FHAD1: variants seen among roughly 807,000 people sequenced by gnomAD.
The protein encoded by FHAD1 is forkhead associated phosphopeptide binding domain 1.
In FHAD1, 146 loss-of-function variants were observed where a neutral mutation model predicts 191.3. That is an observed-to-expected ratio of 0.76 (90% CI 0.67 to 0.88). The LOEUF (loss-of-function observed/expected upper bound fraction) is 0.88, where lower values mean the gene tolerates loss of function less well. Among genes scored for constraint, FHAD1 ranks in the 40% least tolerant of loss-of-function variants. The pLI is 0.00. For missense variants in FHAD1, 1,635 were observed against 1,785.8 expected, an observed-to-expected ratio of 0.92 and a Z score of 1.52; for synonymous variants, 616 against 672.3, an observed-to-expected ratio of 0.92 and a Z score of 1.29.
At chr1:15,321,656 C>G (rs898090300) in intron 10 of FHAD1, among the ~76,000 whole-genome samples, 1 of 152,218 alleles carries the variant, frequency 6.6e-6, no homozygotes, top group Non-Finnish European at 1.5e-5. Flanking sequence ...CCATCTAGAT[C>G]ATTTTTCTTC....
chr1:15,257,499 G>A (rs896202220), intron 2 of FHAD1, among the ~76,000 whole-genome samples: 2 of 152,206 alleles, frequency 1.3e-5, no homozygotes, highest in Non-Finnish European at 2.9e-5. Context: ...CCAGCCACCT[G>A]CTGTCCCATC....
chr1:15,394,977 G>C (rs1055810872), intron 33 of FHAD1, among the ~76,000 whole-genome samples: 5 of 152,122 alleles, frequency 3.3e-5, no homozygotes, highest in Non-Finnish European at 7.3e-5. Context: ...AAGGGGCAGG[G>C]CGGGGGGCTT....
intron 4 of FHAD1, among the ~76,000 whole-genome samples, chr1:15,290,935 T>C (rs373989734): frequency 3.9e-5 from 6 of 151,974 alleles, no homozygotes; most frequent in Admixed American, 2.0e-4. Context: ...AGGATGGTCT[T>C]GATCTCCTGA....
chr1:15,314,515 T>A (rs1157937268), intron 8 of FHAD1: 1 of 152,182 alleles, frequency 6.6e-6, no homozygotes, highest in Non-Finnish European at 1.5e-5. Flanking sequence ...CCTCTGCGGC[T>A]GGTTAGCCCG....
intron 11 of FHAD1, 96 bp downstream of exon 11, chr1:15,324,655 G>A: frequency 1.2e-6 from 1 of 844,920 alleles, no homozygotes; most frequent in South Asian, 1.5e-5. Context: ...GCCCAAGGTA[G>A]AAAGACAGAC....
At chr1:15,357,294 G>A (rs1335976096) in intron 20 of FHAD1, among the ~76,000 whole-genome samples, 4 of 152,144 alleles carry the variant, frequency 2.6e-5, no homozygotes, top group Admixed American at 2.6e-4. Flanking sequence ...TCACATTATT[G>A]CAGGAGGGAC....
At position 15,327,235 on chromosome 1, in the gene FHAD1, G is replaced by T; in HGVS notation, c.1557+93G>T. On this transcript the variant is annotated intron_variant, in intron 12 of 33. Transcript: ENST00000688493. This position sits in a 1 kb window ranked among gnomAD's most constrained non-coding sequence, Gnocchi z 5.1. ...CCAGACCCTGGGAGCATATGTTTCT[G>T]TTTTTGTTGGTGGCATATTTTTCAC... 1 of 787,992 alleles carries T rather than the reference G, an allele frequency of 1.3e-6. No individual in the cohort carries two copies. The highest frequency in any genetic ancestry group is 2.0e-6 in the Non-Finnish European group (1 of 489,106). The allele number at this position is 787,992 out of a possible 1,614,324, so 48.8% of individuals were successfully genotyped here. A position where few individuals can be genotyped will look rare whatever the true frequency, so the allele number is the denominator to read the frequency against.
At chr1:15,328,214 A>G (rs899263463) in intron 12 of FHAD1, 63 bp from the exon 13 acceptor site, 5 of 1,293,524 alleles carry the variant, frequency 3.9e-6, no homozygotes, top group African/African-American at 3.1e-5. Context: ...CCCTTCCCTC[A>G]GGGCCCCCCA....
rs57398387 is a variant in FHAD1, at chr1:15,318,588, C to A, written c.1365+660C>A. ...GGTGGAGGTTGCAGCAAGCTGAGAT[C>A]GTGCCACCGCACTCCAGCCTGGGCG... On this transcript the variant is annotated intron_variant, in intron 10 of 33. Transcript: ENST00000688493. This position sits in a 1 kb window ranked among gnomAD's most constrained non-coding sequence, Gnocchi z 4.1. Among the ~76,000 whole-genome samples, 1 of 151,958 alleles carries A rather than the reference C, an allele frequency of 6.6e-6. No individual in the cohort carries two copies. The highest frequency in any genetic ancestry group is 2.4e-5 in the African/African-American group (1 of 41,428).
chr1:15,324,314 T>G, intron 10 of FHAD1, 138 bp from the exon 11 acceptor site: 1 of 703,616 alleles, frequency 1.4e-6, no homozygotes, highest in South Asian at 1.7e-5. Flanking sequence ...CGCGCACGCC[T>G]GTGACCCCTG....
intron 23 of FHAD1, among the ~76,000 whole-genome samples, chr1:15,364,624 A>T (rs1185112613): frequency 6.6e-6 from 1 of 152,204 alleles, no homozygotes; most frequent in Non-Finnish European, 1.5e-5. Flanking sequence ...AAATAAAAAT[A>T]AATAAAAAAT....
rs2101723662 is a variant in FHAD1, at chr1:15,325,220, A to C, written c.1473+661A>C. On this transcript the variant is annotated intron_variant, in intron 11 of 33. Transcript: ENST00000688493. This position sits in a 1 kb window ranked among gnomAD's most constrained non-coding sequence, Gnocchi z 4.6. ...ATGGGAGGGCATATGACCCTGAGGA[A>C]TGTGGTCCCCCAGGGGCAGCCCACC... 6.5e-6 allele frequency: 1 copy of C among 152,746 alleles called. No homozygotes were observed. Among genetic ancestry groups the C allele is most frequent in the African/African-American group, 2.4e-5 (1 of 41,552 alleles). 9.5% of individuals were successfully genotyped at this position (152,746 alleles called of 1,614,324 possible).
intron 2 of FHAD1, among the ~76,000 whole-genome samples, chr1:15,262,455 A>G (rs1471727776): frequency 2.0e-5 from 3 of 152,198 alleles, no homozygotes; most frequent in African/African-American, 7.2e-5. Context: ...TAGGAGAGCT[A>G]GAAACGAGGT....
rs552503528 is a variant in FHAD1 at position 15,358,610 on chromosome 1, C to T, written c.2736+327C>T. On this transcript the variant is annotated intron_variant, in intron 21 of 33. Coordinates refer to ENST00000688493, the MANE Select transcript of FHAD1 (RefSeq NM_001391957.1). ...TGTACACAGAGCTAGGATGCCCTCT[C>T]TGCACGGTGTTCTGAGATGTTGTAA... is the stretch of plus-strand genomic sequence containing the variant. Among the ~76,000 whole-genome samples the T allele has an allele frequency of 3.3e-5, 5 of 152,316 alleles. No individual in the cohort carries two copies. The South Asian group carries it at 8.3e-4, about 25-fold the overall frequency.
In FHAD1 at chr1:15,301,232, G is replaced by A; in HGVS notation, c.706G>A (p.Glu236Lys). 1 of 1,551,716 alleles carries A rather than the reference G, an allele frequency of 6.4e-7. No individual in the cohort carries two copies. Among genetic ancestry groups the A allele is most frequent in the Non-Finnish European group, 8.7e-7 (1 of 1,147,016 alleles). ...KDEIILLLGK[E>K]VSRLSDYEIE... ...TGAAATAATTCTGCTGCTGGGAAAA[G>A]AGGTCAGCCGTCTCTCAGATTATGA... The change falls in exon 6 of 34, where the codon GAG becomes AAG. Residue 236 changes from glutamate (E) to lysine (K), a missense_variant. By Grantham distance (56) the Glu-to-Lys change is moderately conservative. Coordinates refer to ENST00000688493, the MANE Select transcript of FHAD1 (RefSeq NM_001391957.1).
intron 31 of FHAD1, chr1:15,383,662 G>A (rs904743398): frequency 2.6e-5 from 8 of 302,866 alleles, no homozygotes; most frequent in Admixed American, 4.2e-5. Context: ...GCTGGGGTTA[G>A]GCAAGTCAGG....
intron 20 of FHAD1, among the ~76,000 whole-genome samples, chr1:15,355,018 G>A (rs975249216): frequency 6.6e-6 from 1 of 152,182 alleles, no homozygotes; most frequent in African/African-American, 2.4e-5. Flanking sequence ...GGCCCAGCCT[G>A]ACCAACATGG....
chr1:15,292,483 G>A (rs1402255713), intron 4 of FHAD1, among the ~76,000 whole-genome samples: 4 of 152,108 alleles, frequency 2.6e-5, no homozygotes, highest in South Asian at 2.1e-4. Flanking sequence ...ACAGGCGCCC[G>A]CCACCACGCC....
intron 15 of FHAD1, among the ~76,000 whole-genome samples, chr1:15,340,992 GCCAACATGGTAAAAC>G (rs1258403188): frequency 6.6e-6 from 1 of 152,078 alleles, no homozygotes; most frequent in Non-Finnish European, 1.5e-5. Context: ...GACCAGCCTG[GCCAACATGGTAAAAC>G]CCCATCTCTA....
Sources: allele counts gnomAD v4.1 joint callset (sites outside exome capture counted in the v4.1 genomes callset), GRCh38; gene constraint gnomAD v4.1.1; non-coding constraint Gnocchi (gnomAD v3.1); transcripts MANE v1.5; gene names NCBI Gene and HGNC (gene_info 2026-07-23, HGNC 2026-07-21).